Variants in FAAH2 observed in about 807,000 individuals in gnomAD.
The protein encoded by FAAH2 is fatty-acid amide hydrolase 2.
In FAAH2, 60 loss-of-function variants were observed where a neutral mutation model predicts 36.9. The ratio of observed to expected loss-of-function variants is 1.63; its 90% CI spans 1.32 to 2.02. The LOEUF (loss-of-function observed/expected upper bound fraction) is 2.02. Ranked by LOEUF, FAAH2 falls within the 30% of genes most tolerant of loss-of-function variation. The probability of loss-of-function intolerance (pLI) is 0.00; values close to 1 mark genes in which losing one functional copy is unlikely to be tolerated. For missense variants in FAAH2, 689 were observed against 397.5 expected (o/e 1.73, Z -6.23); for synonymous variants, 214 against 143.8 (o/e 1.49, Z -3.49).
chrX:57,216,526 G>A, the FAAH2 span, among the ~76,000 whole-genome samples: 2 of 33,733 alleles, frequency 5.9e-5, no homozygotes, highest in South Asian at 1.3e-3. Context: ...ATACGTATAT[G>A]TATATATATA....
chrX:57,292,872 T>C (rs1851780917), intron 2 of FAAH2, among the ~76,000 whole-genome samples: 3 of 111,856 alleles, frequency 2.7e-5, no homozygotes, highest in South Asian at 3.8e-4. Flanking sequence ...GTAGGCATCA[T>C]TGAACATTTA....
chrX:57,389,293 CAT>C (rs371786189), intron 7 of FAAH2, among the ~76,000 whole-genome samples: 7 of 94,626 alleles, frequency 7.4e-5, no homozygotes, highest in African/African-American at 2.2e-4. Context: ...CACACACACA[CAT>C]ATATATATAT....
intron 7 of FAAH2, among the ~76,000 whole-genome samples, chrX:57,407,479 C>A (rs969342583): frequency 9.8e-5 from 11 of 112,023 alleles, no homozygotes; most frequent in Non-Finnish European, 1.5e-4. Context: ...CAAAGTAATA[C>A]CCTACCTAAC....
At chrX:57,440,787 C>A (rs1232776759) in intron 8 of FAAH2, among the ~76,000 whole-genome samples, 1 of 111,325 alleles carries the variant, frequency 9.0e-6, no homozygotes, top group African/African-American at 3.3e-5. Flanking sequence ...TCAATACCTA[C>A]TTTATGGAGG....
the FAAH2 span, among the ~76,000 whole-genome samples, chrX:57,196,237 T>G: frequency 8.9e-6 from 1 of 111,736 alleles, no homozygotes; most frequent in Non-Finnish European, 1.9e-5. Flanking sequence ...CATGAACATT[T>G]CAGCAGTGTT....
At chrX:57,199,439 A>G in the FAAH2 span, among the ~76,000 whole-genome samples, 1 of 111,019 alleles carries the variant, frequency 9.0e-6, no homozygotes, top group Non-Finnish European at 1.9e-5. Flanking sequence ...TTGTGGCCAG[A>G]GAATATTCTT....
At chrX:57,408,718 T>C (rs1355369039) in intron 7 of FAAH2, among the ~76,000 whole-genome samples, 3 of 110,930 alleles carry the variant, frequency 2.7e-5, no homozygotes, top group African/African-American at 9.8e-5. Flanking sequence ...ATGACCTTGA[T>C]TGTGTTGAGA....
At chrX:57,463,955 T>C (rs2057004962) in intron 10 of FAAH2, among the ~76,000 whole-genome samples, 1 of 112,073 alleles carries the variant, frequency 8.9e-6, no homozygotes, top group African/African-American at 3.2e-5. Context: ...GATCCACACA[T>C]ATGTTTATTG....
the FAAH2 span, among the ~76,000 whole-genome samples, chrX:57,210,960 C>A: frequency 1.8e-5 from 2 of 112,038 alleles, no homozygotes; most frequent in Admixed American, 1.9e-4. Flanking sequence ...TAGCAATAAC[C>A]ATTCCAAATA....
At chrX:57,354,588 A>G (rs1313447342) in intron 5 of FAAH2, among the ~76,000 whole-genome samples, 2 of 110,150 alleles carry the variant, frequency 1.8e-5, no homozygotes, top group Non-Finnish European at 3.8e-5. Context: ...CAAAACTAAA[A>G]CCCACTGAAT....
intron 2 of FAAH2, among the ~76,000 whole-genome samples, chrX:57,302,989 A>T (rs1224010807): frequency 3.6e-5 from 4 of 111,222 alleles, no homozygotes; most frequent in African/African-American, 6.5e-5. Flanking sequence ...AATTTCCTTT[A>T]TGCCTTTATC....
chrX:57,165,023 G>A, the FAAH2 span, among the ~76,000 whole-genome samples: 2 of 111,776 alleles, frequency 1.8e-5, no homozygotes, highest in African/African-American at 6.5e-5. Context: ...TAAAATAATT[G>A]GGCATAGCAT....
intron 2 of FAAH2, among the ~76,000 whole-genome samples, chrX:57,302,716 G>A (rs186979422): frequency 2.2e-4 from 25 of 111,427 alleles, no homozygotes; most frequent in Non-Finnish European, 4.5e-4. Flanking sequence ...CACTGAGCAA[G>A]TGCAGGATTT....
At chrX:57,164,699 C>G in the FAAH2 span, among the ~76,000 whole-genome samples, 15 of 112,199 alleles carry the variant, frequency 1.3e-4, no homozygotes, top group African/African-American at 2.3e-4. Context: ...ATACCCTAGT[C>G]AAAGAAATAT....
At chrX:57,248,808 T>A in the FAAH2 span, among the ~76,000 whole-genome samples, 49 of 100,835 alleles carry the variant, frequency 4.9e-4, no homozygotes, top group Non-Finnish European at 8.7e-4. Flanking sequence ...TTTTTTTTTT[T>A]TTTTTTTTCT....
intron 7 of FAAH2, among the ~76,000 whole-genome samples, chrX:57,421,321 G>C (rs2056019305): frequency 8.9e-6 from 1 of 112,142 alleles, no homozygotes; most frequent in South Asian, 3.7e-4. Context: ...GTGTGCGCCT[G>C]TAATCCCAGC....
chrX:57,373,852 G>A (rs1180376330), intron 5 of FAAH2, among the ~76,000 whole-genome samples: 1 of 111,707 alleles, frequency 9.0e-6, no homozygotes, highest in Non-Finnish European at 1.9e-5. Flanking sequence ...ATAGTTTCAG[G>A]TCTTAGATTT....
At chrX:57,373,410 A>G (rs762002331) in intron 5 of FAAH2, among the ~76,000 whole-genome samples, 5 of 105,145 alleles carry the variant, frequency 4.8e-5, no homozygotes, top group Non-Finnish European at 7.9e-5. Context: ...TTATTTGATT[A>G]TGGCCATTCT....
At chrX:57,213,940 G>A in the FAAH2 span, among the ~76,000 whole-genome samples, 1 of 111,558 alleles carries the variant, frequency 9.0e-6, no homozygotes, top group African/African-American at 3.3e-5. Flanking sequence ...TGCTATTGCT[G>A]TATTGTTGTC....
Sources: gnomAD v4.1 joint callset for allele counts (sites outside exome capture counted in the v4.1 genomes callset) on GRCh38, gnomAD v4.1.1 for gene constraint, MANE v1.5 for transcripts, NCBI Gene and HGNC (gene_info 2026-07-23, HGNC 2026-07-21) for gene names.